Variants in SLC5A10 observed in about 807,000 individuals in gnomAD.
SLC5A10 encodes the protein sodium/mannose cotransporter SLC5A10.
In SLC5A10, 55 loss-of-function variants were observed where a neutral mutation model predicts 68.9. That is an observed-to-expected ratio of 0.80 (90% CI 0.64 to 1.00). The LOEUF is 1.00. Among genes scored for constraint, SLC5A10 ranks in the 50% least tolerant of loss-of-function variants. SLC5A10 has a pLI of 0.00. For missense variants in SLC5A10, 732 were observed against 819.3 expected (o/e 0.89, Z 1.30); for synonymous variants, 344 against 344.8 (o/e 1.00, Z 0.02).
At chr17:18,966,819 C>G (rs1257444729) in intron 5 of SLC5A10, among the ~76,000 whole-genome samples, 1 of 151,348 alleles carries the variant, frequency 6.6e-6, no homozygotes, top group Non-Finnish European at 1.5e-5. Flanking sequence ...CAGAGGAGAG[C>G]TGGCTATCTC....
intron 9 of SLC5A10, among the ~76,000 whole-genome samples, chr17:19,011,154 A>G (rs1406808822): frequency 6.6e-6 from 1 of 152,196 alleles, no homozygotes; most frequent in African/African-American, 2.4e-5. Context: ...AAGGTAGACT[A>G]TGTAAACAAA....
intron 8 of SLC5A10, chr17:18,976,540 A>G (rs555805544): frequency 1.3e-4 from 47 of 354,096 alleles, no homozygotes; most frequent in African/African-American, 9.3e-4. Context: ...CACCCCACCC[A>G]GGGTCTCCTC....
chr17:18,986,722 T>A (rs996451507), intron 9 of SLC5A10, among the ~76,000 whole-genome samples: 3 of 152,200 alleles, frequency 2.0e-5, no homozygotes, highest in Non-Finnish European at 4.4e-5. Context: ...ACCGACAGGC[T>A]TGCTCCCTGC....
intron 1 of SLC5A10, among the ~76,000 whole-genome samples, chr17:18,956,691 G>A (rs907597156): frequency 6.6e-6 from 1 of 151,998 alleles, no homozygotes; most frequent in Non-Finnish European, 1.5e-5. Context: ...TGCCCAGGCT[G>A]GTCTTGAATC....
intron 5 of SLC5A10, 26 bp from the exon 6 acceptor site, chr17:18,969,026 C>T: frequency 1.2e-6 from 2 of 1,600,736 alleles, no homozygotes; most frequent in Non-Finnish European, 1.7e-6. Flanking sequence ...AATAACAGTC[C>T]CACACAAGGC....
At chr17:18,982,926 A>G (rs2043175139) in intron 9 of SLC5A10, among the ~76,000 whole-genome samples, 1 of 152,218 alleles carries the variant, frequency 6.6e-6, no homozygotes, top group East Asian at 1.9e-4. Context: ...TTGTGCTGCA[A>G]GGCTGCTGTG....
In SLC5A10 at chr17:18,971,676, T is replaced by A; in HGVS notation, c.846+458T>A. 1 of 1,611,316 alleles carries A rather than the reference T, an allele frequency of 6.2e-7. No individual in the cohort carries two copies. The highest frequency in any genetic ancestry group is 8.5e-7 in the Non-Finnish European group (1 of 1,178,474). On this transcript the variant is annotated intron_variant, in intron 8 of 14. Transcript: ENST00000395645. This position sits in a 1 kb window ranked among gnomAD's most constrained non-coding sequence, Gnocchi z 5.5. The stretch of plus-strand genomic sequence containing the variant: ...ACGCTGTCAGCAGCAGAGCGGTACC[T>A]AGGGGGTCCTGGGAAGCCGTCTTTA...
chr17:19,020,489 C>A lies in SLC5A10; in HGVS notation c.*58C>A. On this transcript the variant is annotated 3_prime_UTR_variant, in exon 15 of 15. Coordinates refer to ENST00000395645, the MANE Select transcript of SLC5A10 (RefSeq NM_001042450.4). ...TGAGTCCTCAGGTCCACCCATTTCC[C>A]TCATGGGGATCCCGAGGCCCCAAGA... The A allele has an allele frequency of 6.5e-7, 1 of 1,542,876 alleles. No homozygotes were observed. The highest frequency in any genetic ancestry group is 8.9e-7 in the Non-Finnish European group (1 of 1,120,684).
At chr17:19,010,561 G>T (rs1215988826) in intron 9 of SLC5A10, among the ~76,000 whole-genome samples, 1 of 152,190 alleles carries the variant, frequency 6.6e-6, no homozygotes, top group Non-Finnish European at 1.5e-5. Context: ...CAAACACTTG[G>T]TCAAACCAGT....
intron 9 of SLC5A10, chr17:18,977,555 A>G (rs781389324): frequency 6.3e-7 from 1 of 1,588,618 alleles, no homozygotes; most frequent in Non-Finnish European, 8.5e-7. Flanking sequence ...GGGACTCGTG[A>G]CCCCTGGTGT....
At chr17:19,012,874 G>A (rs2044045566) in intron 9 of SLC5A10, among the ~76,000 whole-genome samples, 1 of 152,238 alleles carries the variant, frequency 6.6e-6, no homozygotes, top group African/African-American at 2.4e-5. Context: ...GGCCTCGCCA[G>A]CCCCTGAGCT....
At chr17:18,992,643 A>C (rs1323435110) in intron 9 of SLC5A10, among the ~76,000 whole-genome samples, 1 of 152,166 alleles carries the variant, frequency 6.6e-6, no homozygotes, top group Non-Finnish European at 1.5e-5. Flanking sequence ...TCGGTCCAGC[A>C]CCGGCGCCCA....
chr17:18,971,887 GA>G lies in SLC5A10; in HGVS notation c.846+670del. 1.1e-6 allele frequency: 1 copy of G among 871,084 alleles called. No homozygotes were observed. The highest frequency in any genetic ancestry group is 1.7e-6 in the Non-Finnish European group (1 of 584,600). 54.0% of individuals were successfully genotyped at this position (871,084 alleles called of 1,614,324 possible). ...TGCCATTCACCAGGGAGTGGGCCTA[GA>G]CCAGTTGGTTTAGTCACTCGATGCC... On this transcript the variant is annotated intron_variant, in intron 8 of 14. Coordinates refer to ENST00000395645, the MANE Select transcript of SLC5A10 (RefSeq NM_001042450.4). The surrounding 1 kb of genome is among the most constrained non-coding windows in gnomAD (Gnocchi z 5.5).
rs1219997097 is a variant in SLC5A10, at chr17:19,004,012, G to C, written c.983-9398G>C. ...TGGAGCGCCAGTTCACATGGTTGTC[G>C]TCCAGACACTGCACCTGAGAGAAGG... On this transcript the variant is annotated intron_variant, in intron 9 of 14. Coordinates refer to ENST00000395645, the MANE Select transcript of SLC5A10 (RefSeq NM_001042450.4). The surrounding 1 kb of genome is among the most constrained non-coding windows in gnomAD (Gnocchi z 5.4). 1.2e-6 allele frequency: 2 copies of C among 1,608,602 alleles called. No homozygotes were observed. Among genetic ancestry groups the C allele is most frequent in the African/African-American group, 2.7e-5 (2 of 74,806 alleles).
intron 8 of SLC5A10, among the ~76,000 whole-genome samples, chr17:18,973,010 C>T (rs115317321): frequency 5.3e-4 from 81 of 152,372 alleles, no homozygotes; most frequent in African/African-American, 1.9e-3. Context: ...AAGCTGCCCA[C>T]ATCCGCCATG....
chr17:19,012,813 G>A (rs907473781), intron 9 of SLC5A10, among the ~76,000 whole-genome samples: 1 of 152,236 alleles, frequency 6.6e-6, no homozygotes, highest in Admixed American at 6.5e-5. Flanking sequence ...GGAGACAGGG[G>A]TGTGGATGGG....
chr17:18,957,903 C>T (rs1447885132), intron 1 of SLC5A10, among the ~76,000 whole-genome samples: 1 of 152,228 alleles, frequency 6.6e-6, no homozygotes, highest in Non-Finnish European at 1.5e-5. Flanking sequence ...CCTCCCAGCC[C>T]CTGGCAACAA....
intron 7 of SLC5A10, 174 bp from the exon 8 acceptor site, chr17:18,970,836 TAAA>T (rs530597462): frequency 0.012 from 5,993 of 508,684 alleles, 279 homozygotes; most frequent in African/African-American, 0.11. Flanking sequence ...AAATACACCT[TAAA>T]AAAAAAAACA....
chr17:19,016,679 G>A (rs1320462231), intron 11 of SLC5A10, among the ~76,000 whole-genome samples: 1 of 152,174 alleles, frequency 6.6e-6, no homozygotes, highest in Admixed American at 6.5e-5. Context: ...CCAAAACAAG[G>A]AGCCTCCCAC....
Sources: allele counts gnomAD v4.1 joint callset (sites outside exome capture counted in the v4.1 genomes callset), GRCh38; gene constraint gnomAD v4.1.1; non-coding constraint Gnocchi (gnomAD v3.1); transcripts MANE v1.5; gene names NCBI Gene and HGNC (gene_info 2026-07-23, HGNC 2026-07-21).